The following GPC6 variants were observed in gnomAD, a reference collection of about 807,000 sequenced individuals.
GPC6 encodes the protein glypican 6.
Under a neutral mutation model 55.2 loss-of-function variants are expected in GPC6, and 14 were observed. The observed-to-expected ratio is 0.25, with a 90% CI of 0.17 to 0.40. The LOEUF (loss-of-function observed/expected upper bound fraction) is 0.40. Among genes scored for constraint, GPC6 ranks in the 10% least tolerant of loss-of-function variants. GPC6 has a pLI of 1.00. For synonymous variants in GPC6, 278 were observed against 259.6 expected (o/e 1.07, Z -0.68); for missense variants, 641 against 708.5 (o/e 0.90, Z 1.08).
At chr13:93,661,187 CTTTCTTTTTTCCT>C (rs939279093) in intron 2 of GPC6, among the ~76,000 whole-genome samples, 1 of 151,970 alleles carries the variant, frequency 6.6e-6, no homozygotes, top group Admixed American at 6.6e-5. Context: ...GCTGTATTAC[CTTTCTTTTTTCCT>C]TTTCTTTTTT....
At position 94,272,176 on chromosome 13, in the gene GPC6, G is replaced by T. The variant is rs1023380760; in HGVS notation, c.878-14173G>T. The stretch of plus-strand genomic sequence containing the variant: ...GAATTGCTCACTAATCACACTGTTT[G>T]AATTCAATGGGGAATTCCACAACAC... On this transcript the variant is annotated intron_variant, in intron 4 of 8. Transcript: ENST00000377047. Among the ~76,000 whole-genome samples the T allele has an allele frequency of 2.6e-5, 4 of 152,004 alleles. No individual in the cohort carries two copies. The East Asian group carries it at 7.7e-4, about 29-fold the overall frequency.
At chr13:93,928,443 C>T (rs1389688550) in intron 3 of GPC6, among the ~76,000 whole-genome samples, 1 of 151,886 alleles carries the variant, frequency 6.6e-6, no homozygotes, top group African/African-American at 2.4e-5. Context: ...TTAATGGCAA[C>T]ATAATACAAT....
intron 4 of GPC6, among the ~76,000 whole-genome samples, chr13:94,185,987 G>C (rs981219294): frequency 6.9e-6 from 1 of 145,004 alleles, no homozygotes; most frequent in African/African-American, 2.6e-5. Flanking sequence ...ATGAACCCGG[G>C]AGGCGGAGCT....
At chr13:94,021,053 A>G (rs893833103) in intron 3 of GPC6, among the ~76,000 whole-genome samples, 3 of 152,116 alleles carry the variant, frequency 2.0e-5, no homozygotes, top group Non-Finnish European at 2.9e-5. Context: ...CTTATGAGTC[A>G]TCATTTAATG....
At chr13:93,867,254 T>A (rs1450114927) in intron 3 of GPC6, among the ~76,000 whole-genome samples, 2 of 151,768 alleles carry the variant, frequency 1.3e-5, no homozygotes, top group African/African-American at 4.8e-5. Context: ...TGTAGAAAAC[T>A]TGGAACATTT....
At chr13:93,977,735 T>C (rs2140401229) in intron 3 of GPC6, among the ~76,000 whole-genome samples, 1 of 152,266 alleles carries the variant, frequency 6.6e-6, no homozygotes, top group South Asian at 2.1e-4. Context: ...TTTCTCAGCA[T>C]TGGTACATAT....
At chr13:93,439,522 A>C (rs1877697047) in intron 1 of GPC6, among the ~76,000 whole-genome samples, 1 of 151,992 alleles carries the variant, frequency 6.6e-6, no homozygotes, top group Admixed American at 6.6e-5. Flanking sequence ...GCTATGTCGA[A>C]CTGTGAGTCA....
chr13:93,439,694 AAAAATAAAAT>A (rs57815842), intron 1 of GPC6, among the ~76,000 whole-genome samples: 10 of 146,618 alleles, frequency 6.8e-5, no homozygotes, highest in East Asian at 3.8e-4. Flanking sequence ...AATAAATAAA[AAAAATAAAAT>A]AAAATAAAAT....
intron 3 of GPC6, among the ~76,000 whole-genome samples, chr13:93,936,120 G>A (rs541381082): frequency 6.6e-6 from 1 of 152,302 alleles, no homozygotes; most frequent in African/African-American, 2.4e-5. Flanking sequence ...GGGCGTCAGT[G>A]AGTGTTATAT....
At chr13:93,280,600 C>T (rs932397356) in intron 1 of GPC6, among the ~76,000 whole-genome samples, 1 of 152,170 alleles carries the variant, frequency 6.6e-6, no homozygotes, top group Non-Finnish European at 1.5e-5. Context: ...TTGTGCATGC[C>T]TAACAAGGTA....
At chr13:93,308,812 A>G (rs1387484989) in intron 1 of GPC6, among the ~76,000 whole-genome samples, 4 of 152,190 alleles carry the variant, frequency 2.6e-5, no homozygotes, top group Non-Finnish European at 5.9e-5. Flanking sequence ...TAATTTTTTT[A>G]TGGCTAAGAA....
At chr13:93,565,461 CTT>C (rs894158451) in intron 2 of GPC6, among the ~76,000 whole-genome samples, 10 of 152,194 alleles carry the variant, frequency 6.6e-5, no homozygotes, top group African/African-American at 2.4e-4. Flanking sequence ...TCACTCAACT[CTT>C]TGCCTTTTCC....
At chr13:93,589,125 G>T (rs1476128943) in intron 2 of GPC6, among the ~76,000 whole-genome samples, 1 of 152,104 alleles carries the variant, frequency 6.6e-6, no homozygotes, top group African/African-American at 2.4e-5. Context: ...GTTGGAAAAA[G>T]AGTACAAGGA....
chr13:94,258,432 A>G (rs777167530), intron 4 of GPC6, among the ~76,000 whole-genome samples: 1 of 152,256 alleles, frequency 6.6e-6, no homozygotes, highest in Admixed American at 6.5e-5. Context: ...GCTACCTTAA[A>G]TAATATATTT....
At chr13:93,599,170 G>A (rs1877895944) in intron 2 of GPC6, among the ~76,000 whole-genome samples, 1 of 151,884 alleles carries the variant, frequency 6.6e-6, no homozygotes, top group Non-Finnish European at 1.5e-5. Context: ...AGCAATCTTT[G>A]CTGAATATAC....
intron 1 of GPC6, among the ~76,000 whole-genome samples, chr13:93,348,562 G>A (rs561065395): frequency 1.4e-4 from 21 of 152,280 alleles, no homozygotes; most frequent in African/African-American, 5.1e-4. Flanking sequence ...ATCCACATTA[G>A]TGTTGTTCAC....
At chr13:93,365,744 T>A (rs1240931330) in intron 1 of GPC6, among the ~76,000 whole-genome samples, 1 of 152,068 alleles carries the variant, frequency 6.6e-6, no homozygotes, top group African/African-American at 2.4e-5. Context: ...CAGATGACTG[T>A]GTATGGTACT....
intron 3 of GPC6, among the ~76,000 whole-genome samples, chr13:93,987,773 T>C (rs1383252648): frequency 1.3e-5 from 2 of 152,164 alleles, no homozygotes; most frequent in African/African-American, 4.8e-5. Flanking sequence ...AAGGAATCAA[T>C]ATAGTACATT....
At chr13:94,275,456 T>C (rs1289986350) in intron 4 of GPC6, among the ~76,000 whole-genome samples, 1 of 152,130 alleles carries the variant, frequency 6.6e-6, no homozygotes, top group African/African-American at 2.4e-5. Context: ...CTGGACTATA[T>C]TTAATGAGGC....
Sources: allele counts gnomAD v4.1 joint callset (sites outside exome capture counted in the v4.1 genomes callset), GRCh38; gene constraint gnomAD v4.1.1; transcripts MANE v1.5; gene names NCBI Gene and HGNC (gene_info 2026-07-23, HGNC 2026-07-21).